The following FRMD5 variants were observed in gnomAD, a reference collection of about 807,000 sequenced individuals.
The protein encoded by FRMD5 is FERM domain-containing protein 5.
A neutral mutation model predicts 69.0 loss-of-function variants in FRMD5; 20 were observed. The observed-to-expected ratio is 0.29, with a 90% confidence interval of 0.20 to 0.42. The LOEUF (loss-of-function observed/expected upper bound fraction) is 0.42, where lower values mean the gene tolerates loss of function less well. Among genes scored for constraint, FRMD5 ranks in the 10% least tolerant of loss-of-function variants. The probability of loss-of-function intolerance (pLI) is 1.00; values close to 1 mark genes in which losing one functional copy is unlikely to be tolerated. For missense variants in FRMD5, 595 were observed against 708.6 expected, an observed-to-expected ratio of 0.84 and a Z score of 1.82; for synonymous variants, 271 against 260.1, an observed-to-expected ratio of 1.04 and a Z score of -0.40.
chr15:44,176,869 G>T (rs921546949), intron 1 of FRMD5, among the ~76,000 whole-genome samples: 5 of 151,394 alleles, frequency 3.3e-5, no homozygotes, highest in African/African-American at 1.2e-4. Flanking sequence ...ATAAAAAAAG[G>T]CACATGTATA....
chr15:44,016,310 C>T (rs1315053561), intron 1 of FRMD5, among the ~76,000 whole-genome samples: 2 of 152,166 alleles, frequency 1.3e-5, no homozygotes, highest in African/African-American at 2.4e-5. Context: ...AAGAAACCAT[C>T]AGAGTCCTTA....
At chr15:44,009,211 T>C (rs1036331755) in intron 1 of FRMD5, among the ~76,000 whole-genome samples, 1 of 152,222 alleles carries the variant, frequency 6.6e-6, no homozygotes, top group African/African-American at 2.4e-5. Flanking sequence ...CTATCTCTTC[T>C]TTGCCCAGCT....
chr15:43,911,266 T>G (rs546207512), intron 4 of FRMD5, among the ~76,000 whole-genome samples: 3 of 152,344 alleles, frequency 2.0e-5, no homozygotes, highest in African/African-American at 4.8e-5. Flanking sequence ...TGGCTTAGAC[T>G]TGGTGACTCA....
At chr15:44,091,149 A>G (rs991799181) in intron 1 of FRMD5, among the ~76,000 whole-genome samples, 1 of 152,210 alleles carries the variant, frequency 6.6e-6, no homozygotes, top group Non-Finnish European at 1.5e-5. Context: ...TCTCTCAATG[A>G]AATCTTTAGG....
chr15:43,966,233 G>A (rs1275208566), intron 1 of FRMD5, among the ~76,000 whole-genome samples: 2 of 151,930 alleles, frequency 1.3e-5, no homozygotes, highest in Admixed American at 6.6e-5. Context: ...TAGCCGGGGC[G>A]TGGTGGTGCA....
chr15:44,139,982 G>C (rs2077244037), intron 1 of FRMD5, among the ~76,000 whole-genome samples: 1 of 151,830 alleles, frequency 6.6e-6, no homozygotes, highest in Non-Finnish European at 1.5e-5. Context: ...GAACACAACA[G>C]TAAGTCTGAT....
At chr15:43,998,112 A>T (rs1024719425) in intron 1 of FRMD5, among the ~76,000 whole-genome samples, 3 of 152,214 alleles carry the variant, frequency 2.0e-5, no homozygotes, top group African/African-American at 4.8e-5. Flanking sequence ...AGGTATTGTC[A>T]TCAGGGATAT....
At chr15:44,151,107 A>T (rs28792464) in intron 1 of FRMD5, among the ~76,000 whole-genome samples, 61 of 146,084 alleles carry the variant, frequency 4.2e-4, no homozygotes, top group African/African-American at 1.4e-3. Flanking sequence ...ACAAAACAAA[A>T]CAAAAAAGGA....
chr15:44,196,179 C>T (rs950986573), upstream of FRMD5, among the ~76,000 whole-genome samples: 1 of 152,008 alleles, frequency 6.6e-6, no homozygotes, highest in Non-Finnish European at 1.5e-5. Flanking sequence ...ATAATTATGT[C>T]GGCCGGGCGC....
intron 1 of FRMD5, among the ~76,000 whole-genome samples, chr15:43,926,935 AG>A (rs1211518543): frequency 6.8e-6 from 1 of 147,906 alleles, no homozygotes; most frequent in Non-Finnish European, 1.5e-5. Flanking sequence ...TACCAGCGCC[AG>A]GACTGTTCCA....
intron 1 of FRMD5, among the ~76,000 whole-genome samples, chr15:44,056,683 T>C (rs952985376): frequency 6.6e-6 from 1 of 152,116 alleles, no homozygotes; most frequent in African/African-American, 2.4e-5. Flanking sequence ...TCAAATACAC[T>C]AGTTAAGGGG....
intron 1 of FRMD5, among the ~76,000 whole-genome samples, chr15:43,988,219 C>T (rs1889491454): frequency 6.6e-6 from 1 of 152,116 alleles, no homozygotes; most frequent in Non-Finnish European, 1.5e-5. Flanking sequence ...GGTTGAGGAC[C>T]CCTGGACAGA....
chr15:44,119,952 C>T (rs1220318192), intron 1 of FRMD5, among the ~76,000 whole-genome samples: 2 of 151,972 alleles, frequency 1.3e-5, no homozygotes, highest in East Asian at 3.9e-4. Flanking sequence ...ACCAACTAAA[C>T]AAGACAGAAT....
intron 1 of FRMD5, among the ~76,000 whole-genome samples, chr15:44,054,567 A>G (rs1892793227): frequency 6.6e-6 from 1 of 152,224 alleles, no homozygotes; most frequent in South Asian, 2.1e-4. Flanking sequence ...GTTGTCCGCC[A>G]AAGAATAGAA....
At chr15:43,993,191 T>TTTTTG (rs1404415445) in intron 1 of FRMD5, among the ~76,000 whole-genome samples, 1 of 152,092 alleles carries the variant, frequency 6.6e-6, no homozygotes, top group South Asian at 2.1e-4. Flanking sequence ...CATAATAGTT[T>TTTTTG]TTTTGTTTTG....
chr15:44,071,897 G>A (rs181622478), intron 1 of FRMD5, among the ~76,000 whole-genome samples: 112 of 152,236 alleles, frequency 7.4e-4, no homozygotes, highest in African/African-American at 2.6e-3. Context: ...ACGGAATCTT[G>A]CTCTGTCACC....
At position 43,897,204 on chromosome 15, in the gene FRMD5, G is replaced by T. The variant is rs1236499602; in HGVS notation, c.639+4971C>A. Among the ~76,000 whole-genome samples the T allele has an allele frequency of 3.3e-5, 5 of 151,956 alleles. No individual in the cohort carries two copies. In the East Asian group the frequency reaches 9.7e-4, roughly 29 times the overall value. ...CTTGTTCTGTTTCTCAGAAGTGAGG[G>T]GTGCTGGGCATGGTGGCTCACACCT... On this transcript the variant is annotated intron_variant, in intron 7 of 13. Transcript: ENST00000417257.
At chr15:43,971,620 G>T (rs2090379917) in intron 1 of FRMD5, among the ~76,000 whole-genome samples, 2 of 147,998 alleles carry the variant, frequency 1.4e-5, no homozygotes, top group Admixed American at 1.3e-4. Context: ...GGAGGTGGAG[G>T]TTGCATCTAA....
intron 1 of FRMD5, among the ~76,000 whole-genome samples, chr15:44,126,794 C>A (rs1445351886): frequency 2.6e-5 from 4 of 152,154 alleles, no homozygotes; most frequent in African/African-American, 9.7e-5. Context: ...AATCTTCCAA[C>A]CTGTCATTGC....
Sources: allele counts gnomAD v4.1 joint callset (sites outside exome capture counted in the v4.1 genomes callset), GRCh38; gene constraint gnomAD v4.1.1; transcripts MANE v1.5; gene names NCBI Gene and HGNC (gene_info 2026-07-23, HGNC 2026-07-21).